Variants in REV1 observed in about 807,000 individuals in gnomAD.
REV1 encodes the protein REV1 DNA directed polymerase.
In REV1, 42 loss-of-function variants were observed where a neutral mutation model predicts 137.4. That is an observed-to-expected ratio of 0.31 (90% CI 0.24 to 0.40). The LOEUF is 0.40. REV1 is among the 10% of genes least tolerant of loss of function. The pLI is 1.00. For synonymous variants in REV1, 524 were observed against 519.2 expected, an observed-to-expected ratio of 1.01 and a Z score of -0.12; for missense variants, 1,282 against 1,490.1, an observed-to-expected ratio of 0.86 and a Z score of 2.30.
At chr2:99,459,745 G>C (rs915643161) in intron 3 of REV1, among the ~76,000 whole-genome samples, 3 of 151,978 alleles carry the variant, frequency 2.0e-5, no homozygotes, top group Admixed American at 6.6e-5. Context: ...AAGGATAGAA[G>C]GCAAAGAAGT....
intron 6 of REV1, chr2:99,436,598 G>A (rs891074556): frequency 2.6e-5 from 4 of 152,416 alleles, no homozygotes; most frequent in African/African-American, 4.8e-5. Context: ...AAAGATCAGA[G>A]CTGAATGACA....
intron 1 of REV1, among the ~76,000 whole-genome samples, chr2:99,469,258 T>C (rs1252958886): frequency 3.9e-5 from 6 of 152,210 alleles, no homozygotes; most frequent in Non-Finnish European, 8.8e-5. Context: ...AAGATTGTTC[T>C]TGAAGAAAAA....
At position 99,408,707 on chromosome 2, in the gene REV1, C is replaced by T. The variant is rs116323342; in HGVS notation, c.2346-576G>A. ...TATTAGGTCTCAAAGATGTGCTGAC[C>T]TCACCCACCATTTCCTTCAGAGCCT... On this transcript the variant is annotated intron_variant, in intron 14 of 22. Transcript: ENST00000258428. Among the ~76,000 whole-genome samples, 1,266 of 152,288 alleles carry T rather than the reference C, an allele frequency of 8.3e-3. 20 individuals carry two copies. Among genetic ancestry groups the T allele is most frequent in the African/African-American group, 0.029 (1,198 of 41,560 alleles).
intron 4 of REV1, among the ~76,000 whole-genome samples, chr2:99,447,320 G>A (rs778085440): frequency 2.6e-5 from 4 of 151,728 alleles, no homozygotes; most frequent in Non-Finnish European, 5.9e-5. Flanking sequence ...CTACAGGCGC[G>A]CGCCACCACG....
Position 99,406,344 on chromosome 2 carries a change from G to A in REV1, c.2595C>T (p.Thr865=), listed in dbSNP as rs779954369. Residue 865 remains threonine, a synonymous_variant, in exon 16 of 23, where the codon ACC becomes ACT. Transcript: ENST00000258428. ...VFQVQKAKKS[T]EEEHKEVFRA... ...ACCAACCTTCTTTGTGCTCCTCTTC[G>A]GTGGATTTCTTAGCTTTCTGAACTT... is the stretch of plus-strand genomic sequence containing the variant. The A allele has an allele frequency of 2.2e-5, 35 of 1,611,952 alleles. No homozygotes were observed. The highest frequency in any genetic ancestry group is 4.5e-5 in the East Asian group (2 of 44,868).
At chr2:99,421,018 G>C (rs1197918291) in intron 11 of REV1, among the ~76,000 whole-genome samples, 1 of 152,162 alleles carries the variant, frequency 6.6e-6, no homozygotes, top group Non-Finnish European at 1.5e-5. Context: ...CAAAGTACAA[G>C]GTTTAAAGAC....
intron 3 of REV1, among the ~76,000 whole-genome samples, chr2:99,458,584 TACTCATACAAAA>T (rs1239598843): frequency 1.3e-5 from 2 of 152,226 alleles, no homozygotes; most frequent in African/African-American, 4.8e-5. Context: ...ACTCTTCTTA[TACTCATACAAAA>T]ACTCATACAC....
At chr2:99,463,397 T>C (rs1247746535) in intron 2 of REV1, among the ~76,000 whole-genome samples, 2 of 151,868 alleles carry the variant, frequency 1.3e-5, no homozygotes, top group Admixed American at 6.6e-5. Context: ...TGCATGCCTG[T>C]AATCCCAGTT....
At chr2:99,450,419 G>A (rs1345473178) in intron 3 of REV1, among the ~76,000 whole-genome samples, 2 of 152,094 alleles carry the variant, frequency 1.3e-5, no homozygotes, top group African/African-American at 4.8e-5. Context: ...AACAACAGCT[G>A]TACCCAGGGG....
chr2:99,451,432 G>T, intron 3 of REV1: 1 of 1,303,784 alleles, frequency 7.7e-7, no homozygotes, highest in Non-Finnish European at 1.0e-6. Flanking sequence ...GAAGTTAAGA[G>T]GGCTCTTTGA....
intron 3 of REV1, 34 bp from the exon 4 acceptor site, chr2:99,449,538 TTA>T (rs1559368983): frequency 1.7e-6 from 2 of 1,192,624 alleles, no homozygotes; most frequent in East Asian, 5.7e-5. Context: ...ATTAAGAGTC[TTA>T]TGTGTAAGAA....
chr2:99,401,967 C>CA (rs1337239202), intron 22 of REV1, among the ~76,000 whole-genome samples: 2 of 152,122 alleles, frequency 1.3e-5, no homozygotes, highest in Admixed American at 6.5e-5. Flanking sequence ...AGGCTGGTCT[C>CA]AAACGATCCA....
chr2:99,418,846 G>C lies in REV1; in HGVS notation c.1933C>G (p.Leu645Val). The change falls in exon 12 of 23, where the codon CTA becomes GTA. Residue 645 changes from leucine (L) to valine (V), a missense_variant. By Grantham distance (32) the Leu-to-Val change is conservative. Transcript: ENST00000258428. ...TATTTACCTGGTAGATTGGTCACTA[G>C]CTGGCCTCTGATAAAATCATCTACT... ...EEVDDFIRGQ[L>V]VTNLPGVGHS... is the part of the protein sequence containing the mutation. 6.2e-7 allele frequency: 1 copy of C among 1,612,308 alleles called. No homozygotes were observed. Among genetic ancestry groups the C allele is most frequent in the Non-Finnish European group, 8.5e-7 (1 of 1,178,672 alleles).
intron 6 of REV1, among the ~76,000 whole-genome samples, chr2:99,437,541 T>C (rs889438727): frequency 6.6e-6 from 1 of 152,206 alleles, no homozygotes; most frequent in Non-Finnish European, 1.5e-5. Flanking sequence ...TGTATAAAAG[T>C]ATTTTTCAAA....
chr2:99,404,320 C>G, intron 18 of REV1, 124 bp downstream of exon 18: 1 of 708,664 alleles, frequency 1.4e-6, no homozygotes, highest in Non-Finnish European at 2.4e-6. Flanking sequence ...CCTCCCCTCC[C>G]CTCCCCTCCC....
intron 13 of REV1, among the ~76,000 whole-genome samples, chr2:99,411,865 A>G (rs1316439015): frequency 1.3e-5 from 2 of 152,096 alleles, no homozygotes; most frequent in East Asian, 3.8e-4. Context: ...TGAGGTCCAC[A>G]GTGTAGGCAC....
chr2:99,464,102 A>G (rs1161291284), intron 2 of REV1, among the ~76,000 whole-genome samples: 1 of 152,250 alleles, frequency 6.6e-6, no homozygotes, highest in Non-Finnish European at 1.5e-5. Flanking sequence ...ATTTGATAGT[A>G]ATATTAACTT....
intron 5 of REV1, 32 bp downstream of exon 5, chr2:99,442,285 C>CT: frequency 3.6e-6 from 5 of 1,398,708 alleles, no homozygotes; most frequent in Non-Finnish European, 4.9e-6. Flanking sequence ...AACCAACCAG[C>CT]TTTGCAGTAA....
At chr2:99,433,067 T>C (rs1680317956) in intron 8 of REV1, among the ~76,000 whole-genome samples, 1 of 152,226 alleles carries the variant, frequency 6.6e-6, no homozygotes, top group Non-Finnish European at 1.5e-5. Context: ...CAGCATTCTT[T>C]AGTATTTCAT....
Sources: allele counts gnomAD v4.1 joint callset (sites outside exome capture counted in the v4.1 genomes callset), GRCh38; gene constraint gnomAD v4.1.1; transcripts MANE v1.5; gene names NCBI Gene and HGNC (gene_info 2026-07-23, HGNC 2026-07-21).